The following SRPK2 variants were observed in gnomAD, a reference collection of about 807,000 sequenced individuals.
The protein encoded by SRPK2 is SFRS protein kinase 2.
A neutral mutation model predicts 90.8 loss-of-function variants in SRPK2; 21 were observed. The ratio of observed to expected loss-of-function variants is 0.23; its 90% CI spans 0.16 to 0.33. The LOEUF (loss-of-function observed/expected upper bound fraction) is 0.33. SRPK2 is among the 10% of genes least tolerant of loss of function. The pLI is 1.00. For missense variants in SRPK2, 620 were observed against 869.0 expected, an observed-to-expected ratio of 0.71 and a Z score of 3.60; for synonymous variants, 288 against 311.1, an observed-to-expected ratio of 0.93 and a Z score of 0.78.
chr7:105,205,673 T>C (rs1796142724), intron 2 of SRPK2, among the ~76,000 whole-genome samples: 1 of 151,926 alleles, frequency 6.6e-6, no homozygotes, highest in African/African-American at 2.4e-5. Flanking sequence ...CATGTGCCCT[T>C]ACTGAAAGTG....
At chr7:105,226,655 T>A (rs1409639285) in intron 2 of SRPK2, among the ~76,000 whole-genome samples, 3 of 152,078 alleles carry the variant, frequency 2.0e-5, no homozygotes, top group African/African-American at 7.2e-5. Flanking sequence ...AAGAAGGCCT[T>A]TTTTCAAGTG....
intron 2 of SRPK2, among the ~76,000 whole-genome samples, chr7:105,344,698 T>C (rs956257594): frequency 1.3e-5 from 2 of 152,078 alleles, no homozygotes; most frequent in Non-Finnish European, 2.9e-5. Context: ...AACTTAAAGA[T>C]TTGACTATAC....
intron 2 of SRPK2, among the ~76,000 whole-genome samples, chr7:105,220,458 A>G (rs1440963347): frequency 6.6e-6 from 1 of 152,134 alleles, no homozygotes; most frequent in African/African-American, 2.4e-5. Context: ...CCTGGGAGGC[A>G]GAGGTTGCAG....
chr7:105,161,726 TA>T, intron 6 of SRPK2, among the ~76,000 whole-genome samples: 1 of 152,288 alleles, frequency 6.6e-6, no homozygotes, highest in South Asian at 2.1e-4. Flanking sequence ...ATAAGCTACA[TA>T]AAACACATTA....
intron 2 of SRPK2, among the ~76,000 whole-genome samples, chr7:105,287,287 A>T (rs1283706108): frequency 7.6e-6 from 1 of 132,134 alleles, no homozygotes; most frequent in Non-Finnish European, 1.7e-5. Context: ...AAAAAAAAGA[A>T]GAAAAGGATG....
intron 6 of SRPK2, among the ~76,000 whole-genome samples, chr7:105,164,910 C>A (rs760746756): frequency 1.3e-5 from 2 of 152,164 alleles, no homozygotes; most frequent in Non-Finnish European, 2.9e-5. Flanking sequence ...AAGACCACAG[C>A]TACTGACACA....
chr7:105,389,324 C>A (rs1237181810), upstream of SRPK2: 4 of 1,281,070 alleles, frequency 3.1e-6, no homozygotes, highest in East Asian at 2.4e-4. Flanking sequence ...CCTCTCTTCC[C>A]GCGGCCTCTT....
chr7:105,183,585 C>CA (rs1331473417), intron 3 of SRPK2, among the ~76,000 whole-genome samples: 1 of 152,158 alleles, frequency 6.6e-6, no homozygotes, highest in East Asian at 1.9e-4. Flanking sequence ...CTCCTAGGTT[C>CA]AAGCCATTAT....
intron 2 of SRPK2, among the ~76,000 whole-genome samples, chr7:105,279,127 T>C (rs536776869): frequency 1.3e-5 from 2 of 152,156 alleles, no homozygotes; most frequent in African/African-American, 4.8e-5. Flanking sequence ...AGCAAGATCA[T>C]TTGTGCTCCT....
chr7:105,328,224 G>A (rs1276868526), intron 2 of SRPK2, among the ~76,000 whole-genome samples: 1 of 152,156 alleles, frequency 6.6e-6, no homozygotes, highest in Non-Finnish European at 1.5e-5. Flanking sequence ...ATTGCAGAGT[G>A]GAAGGAGTGA....
chr7:105,146,453 A>T (rs186078137), intron 8 of SRPK2, 40 bp downstream of exon 8: 1 of 1,600,234 alleles, frequency 6.2e-7, no homozygotes, highest in Non-Finnish European at 8.5e-7. Flanking sequence ...CAAGCTCCCA[A>T]TGCCCCCACA....
At chr7:105,126,210 T>C (rs1220861716) in intron 15 of SRPK2, 38 bp downstream of exon 15, 5 of 1,489,262 alleles carry the variant, frequency 3.4e-6, no homozygotes, top group South Asian at 2.3e-5. Flanking sequence ...TCAGTTTCTG[T>C]CTGCATCGTG....
In SRPK2 at chr7:105,143,457, AC is replaced by A; in HGVS notation, c.814-128del. ...ATGCCATATTCTATTAAAATCCCAA[AC>A]CCAGACAGATCCACTTTGTGGTAAG... On this transcript the variant is annotated intron_variant, in intron 9 of 15. Transcript: ENST00000393651. The A allele has an allele frequency of 2.5e-6, 3 of 1,193,494 alleles. No homozygotes were observed. In the Admixed American group the frequency reaches 7.5e-5, roughly 30 times the overall value. 73.9% of individuals were successfully genotyped at this position (1,193,494 alleles called of 1,614,324 possible). A position where few individuals can be genotyped will look rare whatever the true frequency, so the allele number is the denominator to read the frequency against.
At chr7:105,273,214 CA>C (rs776610794) in intron 2 of SRPK2, among the ~76,000 whole-genome samples, 127 of 130,900 alleles carry the variant, frequency 9.7e-4, no homozygotes, top group Non-Finnish European at 7.9e-4. Flanking sequence ...GACTCCGTCT[CA>C]AAAAAAAAAA....
At chr7:105,281,862 ATTG>A (rs1454650072) in intron 2 of SRPK2, among the ~76,000 whole-genome samples, 1 of 152,214 alleles carries the variant, frequency 6.6e-6, no homozygotes, top group Admixed American at 6.5e-5. Context: ...AAGATTTAAT[ATTG>A]TTAAGATGGC....
intron 3 of SRPK2, chr7:105,189,727 A>C (rs1399464144): frequency 6.6e-6 from 1 of 152,632 alleles, no homozygotes. Flanking sequence ...ACTGGGTGAC[A>C]GAGCCAGACT....
downstream of SRPK2, among the ~76,000 whole-genome samples, chr7:105,115,066 GCCT>G (rs1415488653): frequency 6.6e-6 from 1 of 152,142 alleles, no homozygotes; most frequent in Non-Finnish European, 1.5e-5. Flanking sequence ...CTTGAAATGT[GCCT>G]ACTACAGAAA....
rs192790235 is a variant in SRPK2 at position 105,327,499 on chromosome 7, C to T, written c.71+61149G>A. On this transcript the variant is annotated intron_variant, in intron 2 of 15. Transcript: ENST00000393651. ...TTGTACCTCTGGCCAGCATCCTGAC[C>T]TCTCTCCTCCCTGCCAAGTGCAGGT... is the stretch of plus-strand genomic sequence containing the variant. 2.0e-5 allele frequency among the ~76,000 whole-genome samples: 3 copies of T among 152,292 alleles called. No homozygotes were observed. The East Asian group carries it at 5.8e-4, about 29-fold the overall frequency.
chr7:105,308,157 A>G (rs1811339626), intron 2 of SRPK2, among the ~76,000 whole-genome samples: 1 of 152,172 alleles, frequency 6.6e-6, no homozygotes, highest in South Asian at 2.1e-4. Context: ...AACAGTTTAC[A>G]TTGTTTTCAT....
Sources: gnomAD v4.1 joint callset for allele counts (sites outside exome capture counted in the v4.1 genomes callset) on GRCh38, gnomAD v4.1.1 for gene constraint, MANE v1.5 for transcripts, NCBI Gene and HGNC (gene_info 2026-07-23, HGNC 2026-07-21) for gene names.